Variants in ACOX3 observed in about 807,000 individuals in gnomAD.
The protein encoded by ACOX3 is peroxisomal acyl-coenzyme A oxidase 3.
ACOX3 carries 73 observed loss-of-function variants against 81.5 expected under a neutral mutation model. The observed-to-expected ratio is 0.90, with a 90% CI of 0.74 to 1.09. The LOEUF is 1.09. Among genes scored for constraint, ACOX3 ranks in the 50% least tolerant of loss-of-function variants. The pLI is 0.00. For synonymous variants in ACOX3, 387 were observed against 375.1 expected (o/e 1.03, Z -0.37); for missense variants, 947 against 928.0 (o/e 1.02, Z -0.27).
chr4:8,425,582 C>T (rs1723393482), intron 1 of ACOX3, among the ~76,000 whole-genome samples: 1 of 149,180 alleles, frequency 6.7e-6, no homozygotes, highest in Non-Finnish European at 1.5e-5. Context: ...AGAAATAATC[C>T]CCTGCCTTAT....
In ACOX3 at chr4:8,375,128, G is replaced by A; in HGVS notation, c.1678C>T (p.Leu560=). The change falls in exon 15 of 18, where the codon CTG becomes TTG. Residue 560 remains leucine, a synonymous_variant. Transcript: ENST00000356406. ...ACCACCGTGAGCTCCACGAAGGCCA[G>A]CGCCAACGGACGGCCGTGGGACACC... The part of the protein sequence containing the change: ...CQVSHGRPLA[L]AFVELTVVQR... 1 of 1,551,642 alleles carries A rather than the reference G, an allele frequency of 6.4e-7. No individual in the cohort carries two copies. The highest frequency in any genetic ancestry group is 8.7e-7 in the Non-Finnish European group (1 of 1,146,778).
At chr4:8,411,057 TGCCCCAG>T (rs1721665563) in intron 5 of ACOX3, among the ~76,000 whole-genome samples, 1 of 152,196 alleles carries the variant, frequency 6.6e-6, no homozygotes, top group Non-Finnish European at 1.5e-5. Flanking sequence ...GGGCTGGGCC[TGCCCCAG>T]GGGCGTCTGC....
At chr4:8,367,213 C>T (rs1715569508) in intron 17 of ACOX3, 133 bp from the exon 18 acceptor site, 2 of 1,234,684 alleles carry the variant, frequency 1.6e-6, no homozygotes, top group East Asian at 2.7e-5. Flanking sequence ...GGCACAGTGG[C>T]TCACGCCCGT....
chr4:8,391,699 AT>A (rs1719015555), intron 11 of ACOX3, among the ~76,000 whole-genome samples: 1 of 152,198 alleles, frequency 6.6e-6, no homozygotes, highest in African/African-American at 2.4e-5. Flanking sequence ...TGGGTACACT[AT>A]TATCACCCCC....
chr4:8,399,979 G>A lies in ACOX3; in HGVS notation c.777-327C>T, dbSNP rs949785627. Among the ~76,000 whole-genome samples the A allele has an allele frequency of 6.6e-6, 1 of 152,136 alleles. No individual in the cohort carries two copies. The highest frequency in any genetic ancestry group is 1.5e-5 in the Non-Finnish European group (1 of 68,036). ...GTTAAAAAATAGGCTGGGTGTGGTG[G>A]CTTACGCCTGTAATCCCAGCACTTT... On this transcript the variant is annotated intron_variant, in intron 7 of 17. Transcript: ENST00000356406. This position sits in a 1 kb window ranked among gnomAD's most constrained non-coding sequence, Gnocchi z 4.9.
In ACOX3 at chr4:8,397,046, A is replaced by G. The variant is rs2108889880; in HGVS notation, c.947T>C (p.Ile316Thr). Residue 316 changes from isoleucine (I) to threonine (T), a missense_variant, in exon 9 of 18, where the codon ATC becomes ACC. Coordinates refer to ENST00000356406, the MANE Select transcript of ACOX3 (RefSeq NM_003501.3). ...SGRVSIVSLA[I>T]LNLKLAVAIA... ...GGCCACGGCCAGCTTTAGGTTAAGGATGGCCAGGCTCACGATGGAGACCCG... is the reference window on the plus strand; with the variant it reads ...GGCCACGGCCAGCTTTAGGTTAAGGGTGGCCAGGCTCACGATGGAGACCCG... The G allele has an allele frequency of 6.2e-7, 1 of 1,609,164 alleles. No individual in the cohort carries two copies. Among genetic ancestry groups the G allele is most frequent in the Non-Finnish European group, 8.5e-7 (1 of 1,177,858 alleles).
chr4:8,374,647 G>A (rs1002327308), intron 15 of ACOX3: 12 of 245,636 alleles, frequency 4.9e-5, no homozygotes, highest in Non-Finnish European at 7.7e-5. Context: ...CTCCTGGCTC[G>A]TGTCTGTCTG....
At chr4:8,433,040 G>A (rs1387519387) in intron 1 of ACOX3, among the ~76,000 whole-genome samples, 1 of 152,226 alleles carries the variant, frequency 6.6e-6, no homozygotes, top group East Asian at 1.9e-4. Flanking sequence ...AAGTCCTACA[G>A]GACAGTGCTA....
chr4:8,366,847 G>A lies in ACOX3; in HGVS notation c.*114C>T. ...CAATCAGCAGTTTAGGCGCACAGGT[G>A]CGGGCTCAGAAAGCAGCAGCAATCT... is the stretch of plus-strand genomic sequence containing the variant. On this transcript the variant is annotated 3_prime_UTR_variant, in exon 18 of 18. Coordinates refer to ENST00000356406, the MANE Select transcript of ACOX3 (RefSeq NM_003501.3). The A allele has an allele frequency of 6.8e-7, 1 of 1,463,840 alleles. No individual in the cohort carries two copies. Among genetic ancestry groups the A allele is most frequent in the Non-Finnish European group, 9.3e-7 (1 of 1,072,798 alleles). 90.7% of individuals were successfully genotyped at this position (1,463,840 alleles called of 1,614,324 possible). A position where few individuals can be genotyped will look rare whatever the true frequency, so the allele number is the denominator to read the frequency against.
chr4:8,366,962 T>C lies in ACOX3; in HGVS notation c.2102A>G (p.Ter701TrpextTer10), dbSNP rs1715523287. ...TTGGCTGAATGTGTGCCAGTCCCAC[T>C]AGAGCTTCGATTTCAGACTTCCTAT... ...PVIGSLKSKL[*>W] The change falls in exon 18 of 18, where the codon TAG becomes TGG. Residue 701 changes from the stop codon to tryptophan (W), a stop_lost. Transcript: ENST00000356406. 1.2e-6 allele frequency: 2 copies of C among 1,613,680 alleles called. No individual in the cohort carries two copies. Among genetic ancestry groups the C allele is most frequent in the African/African-American group, 1.3e-5 (1 of 74,914 alleles).
intron 10 of ACOX3, chr4:8,393,155 G>C (rs965392549): frequency 6.7e-6 from 1 of 150,362 alleles, no homozygotes; most frequent in Non-Finnish European, 1.5e-5. Flanking sequence ...AAAGAAAGAA[G>C]ACTCCTTTGC....
chr4:8,425,889 T>C (rs1177599878), intron 1 of ACOX3, among the ~76,000 whole-genome samples: 1 of 152,072 alleles, frequency 6.6e-6, no homozygotes, highest in African/African-American at 2.4e-5. Flanking sequence ...TACTTAGGCA[T>C]ACAATATCAC....
chr4:8,393,475 C>T (rs764194218), intron 10 of ACOX3, among the ~76,000 whole-genome samples: 2 of 121,150 alleles, frequency 1.7e-5, no homozygotes, highest in Non-Finnish European at 3.4e-5. Context: ...GGCAACAGAG[C>T]GAGACTCCGT....
Position 8,389,069 on chromosome 4 carries a change from C to T in ACOX3, c.1537+104G>A. ...GGGGCCTCCCACCACCACTGCTGCCCCGGCTGGAACTGCCAAGGGTCCCCT... is the reference window on the plus strand; with the variant it reads ...GGGGCCTCCCACCACCACTGCTGCCTCGGCTGGAACTGCCAAGGGTCCCCT... On this transcript the variant is annotated intron_variant, in intron 13 of 17. Coordinates refer to ENST00000356406, the MANE Select transcript of ACOX3 (RefSeq NM_003501.3). This position sits in a 1 kb window ranked among gnomAD's most constrained non-coding sequence, Gnocchi z 5.3. The T allele has an allele frequency of 1.1e-6, 1 of 897,584 alleles. No homozygotes were observed. The highest frequency in any genetic ancestry group is 1.8e-6 in the Non-Finnish European group (1 of 568,592). 55.6% of individuals were successfully genotyped at this position (897,584 alleles called of 1,614,324 possible).
chr4:8,375,173 G>C, intron 14 of ACOX3, 21 bp from the exon 15 acceptor site: 1 of 1,511,030 alleles, frequency 6.6e-7, no homozygotes, highest in African/African-American at 1.4e-5. Context: ...GGACGGCACC[G>C]TGAGGACCGT....
chr4:8,360,656 T>G, the ACOX3 span, among the ~76,000 whole-genome samples: 1 of 152,154 alleles, frequency 6.6e-6, no homozygotes, highest in Non-Finnish European at 1.5e-5. Flanking sequence ...GTATTTTTAG[T>G]AGATACAGGG....
intron 14 of ACOX3, among the ~76,000 whole-genome samples, chr4:8,377,039 G>A (rs999407360): frequency 6.6e-6 from 1 of 151,962 alleles, no homozygotes; most frequent in Non-Finnish European, 1.5e-5. Flanking sequence ...TGAAACAAGC[G>A]GGTGACGGCA....
intron 13 of ACOX3, among the ~76,000 whole-genome samples, chr4:8,388,163 C>T (rs1012110716): frequency 1.3e-5 from 2 of 152,158 alleles, no homozygotes; most frequent in African/African-American, 2.4e-5. Context: ...TGGCTGCCCC[C>T]GCCTTTCACT....
Position 8,381,850 on chromosome 4 carries a change from C to A in ACOX3, c.1538-243G>T, listed in dbSNP as rs1448276715. 1.3e-5 allele frequency among the ~76,000 whole-genome samples: 2 copies of A among 152,248 alleles called. No homozygotes were observed. The highest frequency in any genetic ancestry group is 2.9e-5 in the Non-Finnish European group (2 of 68,036). On this transcript the variant is annotated intron_variant, in intron 13 of 17. Transcript: ENST00000356406. The surrounding 1 kb of genome is among the most constrained non-coding windows in gnomAD (Gnocchi z 4.3). ...GCTCAGCCCAGGGCTGTCCTGAGTT[C>A]TACACTGTTCCAGCAGCCTGGAGGC...
Sources: gnomAD v4.1 joint callset for allele counts (sites outside exome capture counted in the v4.1 genomes callset) on GRCh38, gnomAD v4.1.1 for gene constraint, Gnocchi (gnomAD v3.1) non-coding constraint, MANE v1.5 for transcripts, NCBI Gene and HGNC (gene_info 2026-07-23, HGNC 2026-07-21) for gene names.